PTPRG: variants seen among roughly 807,000 people sequenced by gnomAD.
PTPRG encodes the protein receptor-type tyrosine-protein phosphatase gamma.
PTPRG carries 102 observed loss-of-function variants against 165.3 expected under a neutral mutation model. The ratio of observed to expected loss-of-function variants is 0.62; its 90% CI spans 0.53 to 0.73. PTPRG has a LOEUF of 0.73. Ranked by LOEUF, PTPRG falls within the 30% of genes least tolerant of loss-of-function variation. The pLI, the probability that PTPRG is intolerant of heterozygous loss-of-function variation, is 0.00. For synonymous variants in PTPRG, 675 were observed against 669.5 expected (o/e 1.01, Z -0.13); for missense variants, 1,866 against 1,861.4 (o/e 1.00, Z -0.05).
intron 2 of PTPRG, among the ~76,000 whole-genome samples, chr3:61,876,962 G>A (rs777451281): frequency 5.3e-5 from 8 of 151,264 alleles, no homozygotes; most frequent in Non-Finnish European, 1.2e-4. Context: ...GAACATTCTC[G>A]TTCTTGTGGT....
At position 62,124,076 on chromosome 3, in the gene PTPRG, C is replaced by G; in HGVS notation, c.616-8526C>G. ...TTAGTTTTCCTTCCCTTTTTTTTTT[C>G]TTTTTAAAAAGGTCCATTCAACTTG... On this transcript the variant is annotated intron_variant, in intron 5 of 29. Coordinates refer to ENST00000474889, the MANE Select transcript of PTPRG (RefSeq NM_002841.4). The G allele has an allele frequency of 1.1e-5, 5 of 459,350 alleles. No individual in the cohort carries two copies. In the South Asian group the frequency reaches 1.9e-4, roughly 17 times the overall value. The allele number at this position is 459,350 out of a possible 1,614,324, so 28.5% of individuals were successfully genotyped here.
At chr3:62,149,272 T>TTA (rs1463777182) in intron 6 of PTPRG, among the ~76,000 whole-genome samples, 1 of 130,384 alleles carries the variant, frequency 7.7e-6, no homozygotes, top group Non-Finnish European at 1.5e-5. Context: ...GGAGGCCTCT[T>TTA]TTTTTTTTTT....
At chr3:61,830,965 C>A (rs1446439221) in intron 2 of PTPRG, among the ~76,000 whole-genome samples, 1 of 152,144 alleles carries the variant, frequency 6.6e-6, no homozygotes, top group Non-Finnish European at 1.5e-5. Context: ...GGCTTCCTTT[C>A]TTTTTTCAAA....
chr3:61,624,365 G>A (rs112307220), intron 1 of PTPRG, among the ~76,000 whole-genome samples: 1 of 152,152 alleles, frequency 6.6e-6, no homozygotes, highest in African/African-American at 2.4e-5. Flanking sequence ...ATGCCAGTAG[G>A]GATGGTCAGT....
At chr3:62,189,088 T>C (rs1467831927) in intron 8 of PTPRG, among the ~76,000 whole-genome samples, 1 of 152,138 alleles carries the variant, frequency 6.6e-6, no homozygotes, top group Non-Finnish European at 1.5e-5. Flanking sequence ...CTTCAGATTC[T>C]TTGTTTGATG....
intron 2 of PTPRG, chr3:61,769,327 A>G (rs190597312): frequency 2.6e-5 from 4 of 152,148 alleles, no homozygotes; most frequent in African/African-American, 4.8e-5. Context: ...GGAGTGCAGT[A>G]TACTTTGGCC....
intron 2 of PTPRG, among the ~76,000 whole-genome samples, chr3:61,905,950 T>G (rs1019347080): frequency 6.6e-6 from 1 of 152,230 alleles, no homozygotes; most frequent in Non-Finnish European, 1.5e-5. Context: ...GGAGAAAATA[T>G]TCTCTTATGA....
chr3:61,775,984 G>A (rs951230301), intron 2 of PTPRG, among the ~76,000 whole-genome samples: 4 of 151,602 alleles, frequency 2.6e-5, no homozygotes, highest in Middle Eastern at 3.4e-3. Context: ...GCTAAATGAC[G>A]AGTTAATGGG....
chr3:61,747,609 G>A lies in PTPRG; in HGVS notation c.86-1269G>A, dbSNP rs927752957. Among the ~76,000 whole-genome samples, 10 of 150,598 alleles carry A rather than the reference G, an allele frequency of 6.6e-5. No individual in the cohort carries two copies. In the East Asian group the frequency reaches 1.4e-3, roughly 20 times the overall value. ...TAATGCTAGTCTTTTTAATTGAAGT[G>A]TAAGCATAAAGTACTCTACAGGTTT... On this transcript the variant is annotated intron_variant, in intron 1 of 29. Transcript: ENST00000474889.
At chr3:61,596,753 G>T (rs1700711562) in intron 1 of PTPRG, among the ~76,000 whole-genome samples, 1 of 151,638 alleles carries the variant, frequency 6.6e-6, no homozygotes, top group Non-Finnish European at 1.5e-5. Context: ...AGAATTGCAT[G>T]AATATGAGTT....
chr3:61,996,409 C>T (rs2041040956), intron 3 of PTPRG, among the ~76,000 whole-genome samples: 1 of 152,138 alleles, frequency 6.6e-6, no homozygotes, highest in African/African-American at 2.4e-5. Flanking sequence ...GTGGAGTCAT[C>T]ATTCCTTGAT....
At chr3:61,821,259 G>T (rs561126272) in intron 2 of PTPRG, among the ~76,000 whole-genome samples, 2 of 151,598 alleles carry the variant, frequency 1.3e-5, no homozygotes, top group South Asian at 4.2e-4. Flanking sequence ...AAGCTCCGCC[G>T]CCTGGGTTCA....
chr3:61,735,008 A>G (rs2032665075), intron 1 of PTPRG, among the ~76,000 whole-genome samples: 1 of 152,210 alleles, frequency 6.6e-6, no homozygotes, highest in African/African-American at 2.4e-5. Context: ...AAGCATAGCC[A>G]AAAAAGAGAA....
chr3:61,674,628 G>A (rs1200591754), intron 1 of PTPRG, among the ~76,000 whole-genome samples: 1 of 151,672 alleles, frequency 6.6e-6, no homozygotes, highest in East Asian at 1.9e-4. Context: ...TTTAGCAGAT[G>A]TTTGTTGAGC....
At chr3:62,286,234 A>G (rs1434311281) in intron 28 of PTPRG, among the ~76,000 whole-genome samples, 1 of 152,180 alleles carries the variant, frequency 6.6e-6, no homozygotes. Flanking sequence ...CCCACAAATC[A>G]TAACTAATTC....
chr3:61,683,662 G>A (rs538650060), intron 1 of PTPRG, among the ~76,000 whole-genome samples: 2 of 152,246 alleles, frequency 1.3e-5, no homozygotes, highest in South Asian at 4.1e-4. Context: ...CCTTTCTTCC[G>A]TTTGATATAT....
intron 2 of PTPRG, among the ~76,000 whole-genome samples, chr3:61,790,710 A>C (rs2034845013): frequency 6.6e-6 from 1 of 151,280 alleles, no homozygotes; most frequent in African/African-American, 2.4e-5. Flanking sequence ...CAGTCTCAGA[A>C]TCCCTTTCAT....
At chr3:62,205,395 G>T (rs1430196049) in intron 12 of PTPRG, among the ~76,000 whole-genome samples, 1 of 152,210 alleles carries the variant, frequency 6.6e-6, no homozygotes, top group Non-Finnish European at 1.5e-5. Flanking sequence ...ACCAGGCTAG[G>T]CTTTGGCAGT....
chr3:61,894,042 G>A (rs2038285061), intron 2 of PTPRG, among the ~76,000 whole-genome samples: 2 of 151,946 alleles, frequency 1.3e-5, no homozygotes, highest in South Asian at 2.1e-4. Flanking sequence ...AAATGGTCAC[G>A]CCTCTAATCC....
Sources: allele counts gnomAD v4.1 joint callset (sites outside exome capture counted in the v4.1 genomes callset), GRCh38; gene constraint gnomAD v4.1.1; transcripts MANE v1.5; gene names NCBI Gene and HGNC (gene_info 2026-07-23, HGNC 2026-07-21).